The following RBM6 variants were observed in gnomAD, a reference collection of about 807,000 sequenced individuals.
The protein encoded by RBM6 is RNA binding motif protein 6, also known as RNA-binding protein 6.
RBM6 carries 23 observed loss-of-function variants against 140.4 expected under a neutral mutation model. The observed-to-expected ratio is 0.16, with a 90% CI of 0.12 to 0.23. RBM6 has a LOEUF of 0.23. Ranked by LOEUF, RBM6 falls within the 10% of genes least tolerant of loss-of-function variation. RBM6 has a pLI of 1.00. For missense variants in RBM6, 1,139 were observed against 1,386.7 expected, an observed-to-expected ratio of 0.82 and a Z score of 2.84; for synonymous variants, 439 against 475.6, an observed-to-expected ratio of 0.92 and a Z score of 1.00.
At chr3:50,051,011 T>G (rs2089443184) in intron 7 of RBM6, among the ~76,000 whole-genome samples, 1 of 152,068 alleles carries the variant, frequency 6.6e-6, no homozygotes, top group South Asian at 2.1e-4. Flanking sequence ...GTGTTATCTT[T>G]CACTTTCTTG....
chr3:49,968,674 C>G lies in RBM6; in HGVS notation c.1249C>G (p.Gln417Glu). 6.2e-7 allele frequency: 1 copy of G among 1,613,556 alleles called. No individual in the cohort carries two copies. Among genetic ancestry groups the G allele is most frequent in the Non-Finnish European group, 8.5e-7 (1 of 1,179,998 alleles). Residue 417 changes from glutamine (Q) to glutamate (E), a missense_variant, in exon 3 of 21, where the codon CAG becomes GAG. Physicochemically the swap from Gln to Glu is conservative, Grantham distance 29 (BLOSUM62 2). Transcript: ENST00000266022. ...TGTGGATCATAGGCTGCCAGGAAGC[C>G]AGATGTTTGGCTATGGCCAGAGCAA... Reference protein sequence around the residue: ...RDVDHRLPGSQMFGYGQSKSF... With the variant: ...RDVDHRLPGSEMFGYGQSKSF...
intron 6 of RBM6, among the ~76,000 whole-genome samples, chr3:50,037,217 T>C (rs1405193747): frequency 2.0e-5 from 3 of 152,176 alleles, no homozygotes; most frequent in African/African-American, 7.2e-5. Flanking sequence ...CGGGGCATCA[T>C]AGGAAGACCC....
intron 6 of RBM6, among the ~76,000 whole-genome samples, chr3:50,009,993 A>AT (rs2086767906): frequency 6.6e-6 from 1 of 151,702 alleles, no homozygotes; most frequent in Non-Finnish European, 1.5e-5. Flanking sequence ...GGTTCCAGTG[A>AT]TTCTCCTGCC....
intron 1 of RBM6, among the ~76,000 whole-genome samples, chr3:49,954,084 C>T (rs2083860779): frequency 6.6e-6 from 1 of 151,074 alleles, no homozygotes; most frequent in Non-Finnish European, 1.5e-5. Context: ...TACAGTGAGC[C>T]GAGAATGTGC....
chr3:49,949,114 C>T (rs1046267335), intron 1 of RBM6, among the ~76,000 whole-genome samples: 1 of 151,542 alleles, frequency 6.6e-6, no homozygotes, highest in African/African-American at 2.4e-5. Context: ...CAGGTGTGAG[C>T]CACCACGCCT....
In RBM6 at chr3:49,948,730, A is replaced by AGG. The variant is rs1441976122; in HGVS notation, c.-67+8505_-67+8506insGG. ...TGTCTCAAAAAAGAAAAAAAAAAAA[A>AGG]AGAATTGCTTGAACCCAGGAGGTAG... is the stretch of plus-strand genomic sequence containing the variant. On this transcript the variant is annotated intron_variant, in intron 1 of 20. Coordinates refer to ENST00000266022, the MANE Select transcript of RBM6 (RefSeq NM_005777.3). Among the ~76,000 whole-genome samples the AGG allele has an allele frequency of 1.3e-4, 19 of 150,540 alleles. No individual in the cohort carries two copies. The East Asian group carries it at 2.4e-3, about 19-fold the overall frequency.
chr3:49,981,494 A>G (rs2085304216), intron 5 of RBM6: 1 of 152,210 alleles, frequency 6.6e-6, no homozygotes, highest in African/African-American at 2.4e-5. Context: ...TAGATTCTTT[A>G]TTCTAGAACT....
chr3:49,981,403 C>T lies in RBM6; in HGVS notation c.1483+6011C>T, dbSNP rs376886776. On this transcript the variant is annotated intron_variant, in intron 5 of 20. Transcript: ENST00000266022. ...GAATCAGAAACTCTGGGGTGGGGCCCAGTAGCCTGTGCTTTTAAGAAGTCC... is the reference window on the plus strand; with the variant it reads ...GAATCAGAAACTCTGGGGTGGGGCCTAGTAGCCTGTGCTTTTAAGAAGTCC... Among the ~76,000 whole-genome samples, 18 of 152,280 alleles carry T rather than the reference C, an allele frequency of 1.2e-4. No individual in the cohort carries two copies. The East Asian group carries it at 2.3e-3, about 20-fold the overall frequency.
chr3:49,986,902 C>T lies in RBM6; in HGVS notation c.1483+11510C>T, dbSNP rs560899887. ...CCAGGTTCAAGCTGTCCTCCTACCT[C>T]ACCCTCCCTAGTAGCTGGGACTATA... On this transcript the variant is annotated intron_variant, in intron 5 of 20. Coordinates refer to ENST00000266022, the MANE Select transcript of RBM6 (RefSeq NM_005777.3). 1.8e-4 allele frequency among the ~76,000 whole-genome samples: 28 copies of T among 152,062 alleles called. No homozygotes were observed. In the South Asian group the frequency reaches 5.4e-3, roughly 29 times the overall value.
chr3:50,024,601 A>G (rs1376661676), intron 6 of RBM6, among the ~76,000 whole-genome samples: 1 of 151,970 alleles, frequency 6.6e-6, no homozygotes, highest in African/African-American at 2.4e-5. Flanking sequence ...GTTCATTTTC[A>G]TTGCTTAGTG....
At chr3:50,017,295 C>T (rs1315852183) in intron 6 of RBM6, among the ~76,000 whole-genome samples, 3 of 152,138 alleles carry the variant, frequency 2.0e-5, no homozygotes, top group Admixed American at 6.5e-5. Context: ...CAGTGGCTCA[C>T]GCCTGTAATC....
At chr3:50,000,348 T>C in intron 6 of RBM6, among the ~76,000 whole-genome samples, 2 of 108,756 alleles carry the variant, frequency 1.8e-5, no homozygotes. Flanking sequence ...TTTTTTTTCT[T>C]TTTTTTTTTT....
At chr3:50,017,213 A>G (rs1293008218) in intron 6 of RBM6, among the ~76,000 whole-genome samples, 1 of 152,076 alleles carries the variant, frequency 6.6e-6, no homozygotes, top group African/African-American at 2.4e-5. Context: ...TTCTTCTTTT[A>G]AAAATTTTGT....
At chr3:50,072,689 C>G (rs1039914923) in intron 19 of RBM6, among the ~76,000 whole-genome samples, 3 of 152,108 alleles carry the variant, frequency 2.0e-5, no homozygotes, top group African/African-American at 7.2e-5. Context: ...CAAGTCTAGT[C>G]TCTCTTCATT....
At chr3:49,956,378 C>G (rs1303596934) in intron 1 of RBM6, among the ~76,000 whole-genome samples, 3 of 139,814 alleles carry the variant, frequency 2.1e-5, no homozygotes, top group Admixed American at 7.4e-5. Flanking sequence ...TCTTGTTGCC[C>G]AGGCTGGAGT....
rs762062224 is a variant in RBM6, at chr3:49,974,373, A to ATTTTT, written c.1414-938_1414-934dup. ...AGGTGTGAGCCAGTACTCCTGGCTA[A>ATTTTT]TTTTTTTTTTTTTTTTGAGATGGAG... On this transcript the variant is annotated intron_variant, in intron 4 of 20. Coordinates refer to ENST00000266022, the MANE Select transcript of RBM6 (RefSeq NM_005777.3). Among the ~76,000 whole-genome samples, 3 of 139,684 alleles carry ATTTTT rather than the reference A, an allele frequency of 2.1e-5. No homozygotes were observed. The South Asian group carries it at 6.9e-4, about 32-fold the overall frequency. The allele number at this position is 139,684 out of a possible 152,430, so 91.6% of individuals were successfully genotyped here.
chr3:49,982,941 A>C (rs2085380101), intron 5 of RBM6, among the ~76,000 whole-genome samples: 1 of 151,784 alleles, frequency 6.6e-6, no homozygotes, highest in Non-Finnish European at 1.5e-5. Flanking sequence ...CAATCTCCTG[A>C]CTTCAAGCAA....
chr3:49,952,533 T>A (rs1416481588), intron 1 of RBM6, among the ~76,000 whole-genome samples: 1 of 150,260 alleles, frequency 6.7e-6, no homozygotes, highest in Admixed American at 6.7e-5. Flanking sequence ...GAAGTTTTGC[T>A]CTTGTTGCCC....
intron 15 of RBM6, among the ~76,000 whole-genome samples, chr3:50,062,564 C>T (rs764311488): frequency 6.6e-6 from 1 of 151,966 alleles, no homozygotes; most frequent in South Asian, 2.1e-4. Context: ...ATTCCCTCAC[C>T]TCTTATATCC....
Sources: allele counts gnomAD v4.1 joint callset (sites outside exome capture counted in the v4.1 genomes callset), GRCh38; gene constraint gnomAD v4.1.1; transcripts MANE v1.5; gene names NCBI Gene and HGNC (gene_info 2026-07-23, HGNC 2026-07-21).